Variants in NRK observed in about 807,000 individuals in gnomAD.
NRK encodes nik-related protein kinase.
NRK carries 67 observed loss-of-function variants against 125.2 expected under a neutral mutation model. The observed-to-expected ratio is 0.54, with a 90% confidence interval of 0.44 to 0.66. The LOEUF (loss-of-function observed/expected upper bound fraction) is 0.66. NRK is among the 30% of genes least tolerant of loss of function. The probability of loss-of-function intolerance (pLI) is 0.00; values close to 1 mark genes in which losing one functional copy is unlikely to be tolerated. For missense variants in NRK, 1,224 were observed against 1,192.9 expected (o/e 1.03, Z -0.38); for synonymous variants, 458 against 429.0 (o/e 1.07, Z -0.84).
intron 2 of NRK, among the ~76,000 whole-genome samples, chrX:105,870,054 G>A (rs2039722849): frequency 9.0e-6 from 1 of 110,788 alleles, no homozygotes; most frequent in South Asian, 3.8e-4. Context: ...AAAAGGAAAA[G>A]GTATACAATC....
chrX:105,940,123 A>G (rs1294633856), intron 23 of NRK, 91 bp downstream of exon 23: 3 of 700,264 alleles, frequency 4.3e-6, no homozygotes, highest in African/African-American at 2.2e-5. Flanking sequence ...AAGCAGAGAA[A>G]GGAAACAATT....
intron 2 of NRK, among the ~76,000 whole-genome samples, chrX:105,866,307 T>C (rs774096951): frequency 9.0e-5 from 10 of 110,835 alleles, no homozygotes; most frequent in Admixed American, 2.1e-4. Flanking sequence ...CGGAATGTTA[T>C]AGATCAAGTT....
At chrX:105,950,572 GTGTGTGGAGAGA>G (rs2040880838) in intron 27 of NRK, among the ~76,000 whole-genome samples, 1 of 99,669 alleles carries the variant, frequency 1.0e-5, no homozygotes. Flanking sequence ...GTGTGTGTGT[GTGTGTGGAGAGA>G]GAGAGAGAGA....
chrX:105,883,531 G>A (rs1307792797), intron 4 of NRK, among the ~76,000 whole-genome samples: 4 of 111,514 alleles, frequency 3.6e-5, no homozygotes, highest in Non-Finnish European at 7.5e-5. Flanking sequence ...AAAGTGCTTG[G>A]GAAAGTGGTT....
At chrX:105,886,045 C>T (rs2039939065) in intron 4 of NRK, among the ~76,000 whole-genome samples, 1 of 110,293 alleles carries the variant, frequency 9.1e-6, no homozygotes, top group African/African-American at 3.3e-5. Flanking sequence ...TTCTGACTGA[C>T]ATCACACTGT....
chrX:105,829,503 C>T (rs1184513949), intron 1 of NRK, among the ~76,000 whole-genome samples: 1 of 112,107 alleles, frequency 8.9e-6, no homozygotes, highest in Admixed American at 9.4e-5. Context: ...TTGGCATCTA[C>T]TCATGCCTTA....
chrX:105,903,161 A>G (rs186842230), intron 9 of NRK, among the ~76,000 whole-genome samples: 3 of 111,620 alleles, frequency 2.7e-5, no homozygotes, highest in Non-Finnish European at 5.6e-5. Flanking sequence ...GGATAGGATC[A>G]ATAGTTAAGC....
chrX:105,911,309 A>T (rs989899523), intron 13 of NRK, among the ~76,000 whole-genome samples: 1 of 111,971 alleles, frequency 8.9e-6, no homozygotes, highest in Non-Finnish European at 1.9e-5. Context: ...ATGAAGAATT[A>T]TGGGCTTGAT....
chrX:105,946,917 T>C (rs936596073), intron 26 of NRK, among the ~76,000 whole-genome samples: 9 of 111,946 alleles, frequency 8.0e-5, no homozygotes, highest in Non-Finnish European at 1.7e-4. Context: ...GTGTATTTGA[T>C]TTTGCAGTAC....
At chrX:105,878,229 A>G (rs2039839590) in intron 2 of NRK, among the ~76,000 whole-genome samples, 1 of 111,327 alleles carries the variant, frequency 9.0e-6, no homozygotes, top group South Asian at 3.7e-4. Context: ...AAATATTAAT[A>G]TATAATTCCT....
At position 105,955,701 on chromosome X, in the gene NRK, A is replaced by C. The variant is rs1441730260; in HGVS notation, c.*101A>C. The stretch of plus-strand genomic sequence containing the variant: ...ATGAGTATTCAGTTTTATTTTTAGT[A>C]AAGATTAAATCCAAAACTTTACTTT... On this transcript the variant is annotated 3_prime_UTR_variant, in exon 29 of 29. Coordinates refer to ENST00000243300, the MANE Select transcript of NRK (RefSeq NM_198465.4). The C allele has an allele frequency of 1.7e-5, 8 of 463,966 alleles. No individual in the cohort carries two copies. The highest frequency in any genetic ancestry group is 3.0e-5 in the Non-Finnish European group (8 of 263,655). 38.2% of individuals were successfully genotyped at this position (463,966 alleles called of 1,213,427 possible).
chrX:105,867,670 A>G (rs908749104), intron 2 of NRK, among the ~76,000 whole-genome samples: 3 of 111,722 alleles, frequency 2.7e-5, no homozygotes, highest in Non-Finnish European at 5.7e-5. Flanking sequence ...TATTTTCGTT[A>G]TATCTCCCAA....
chrX:105,824,739 G>A (rs2039070735), intron 1 of NRK, among the ~76,000 whole-genome samples: 1 of 111,302 alleles, frequency 9.0e-6, no homozygotes, highest in Non-Finnish European at 1.9e-5. Flanking sequence ...TTACATTGCA[G>A]TTCAGTGGAA....
At chrX:105,947,886 G>A (rs1008273068) in intron 26 of NRK, among the ~76,000 whole-genome samples, 1 of 110,321 alleles carries the variant, frequency 9.1e-6, no homozygotes, top group African/African-American at 3.3e-5. Context: ...AACTCTTTTG[G>A]TCATATTAAA....
intron 27 of NRK, among the ~76,000 whole-genome samples, chrX:105,950,553 TG>T (rs2040879654): frequency 1.9e-5 from 2 of 105,939 alleles, no homozygotes; most frequent in African/African-American, 6.9e-5. Flanking sequence ...TGTGTGTGTG[TG>T]TGTGTGTGTG....
intron 2 of NRK, among the ~76,000 whole-genome samples, chrX:105,857,228 C>T (rs1372868020): frequency 9.0e-6 from 1 of 111,435 alleles, no homozygotes; most frequent in Non-Finnish European, 1.9e-5. Flanking sequence ...TAGAATCACA[C>T]TCCTCTTAAA....
rs749769117 is a variant in NRK, at chrX:105,895,420, A to G, written c.490-13A>G. ...AATATATACTGATGTGGCTTTTTAA[A>G]AAATATATACAGGGCTTAGCTCACC... is the stretch of plus-strand genomic sequence containing the variant. On this transcript the variant is annotated splice_polypyrimidine_tract_variant and intron_variant, in intron 6 of 28. Coordinates refer to ENST00000243300, the MANE Select transcript of NRK (RefSeq NM_198465.4). The G allele has an allele frequency of 8.6e-7, 1 of 1,159,215 alleles. No individual in the cohort carries two copies.
intron 2 of NRK, among the ~76,000 whole-genome samples, chrX:105,849,474 G>T (rs974191134): frequency 9.0e-6 from 1 of 110,962 alleles, no homozygotes; most frequent in African/African-American, 3.3e-5. Flanking sequence ...CAACAGTCCC[G>T]CATTAACCCA....
At position 105,956,318 on chromosome X, in the gene NRK, C is replaced by G. The variant is rs1440501056; in HGVS notation, c.*718C>G. ...AAAAGATGTGCAATAGCTGTTGTTA[C>G]AAACCACCAAATAATACAGTTGTGA... On this transcript the variant is annotated 3_prime_UTR_variant, in exon 29 of 29. Coordinates refer to ENST00000243300, the MANE Select transcript of NRK (RefSeq NM_198465.4). 1 of 112,032 alleles carries G rather than the reference C, an allele frequency of 8.9e-6. No homozygotes were observed. Among genetic ancestry groups the G allele is most frequent in the Non-Finnish European group, 1.9e-5 (1 of 53,123 alleles). The allele number at this position is 112,032 out of a possible 1,213,427, so 9.2% of individuals were successfully genotyped here.
Sources: gnomAD v4.1 joint callset for allele counts (sites outside exome capture counted in the v4.1 genomes callset) on GRCh38, gnomAD v4.1.1 for gene constraint, MANE v1.5 for transcripts, NCBI Gene and HGNC (gene_info 2026-07-23, HGNC 2026-07-21) for gene names.